NRXN1: variants seen among roughly 807,000 people sequenced by gnomAD.
NRXN1 encodes the protein neurexin-1.
Under a neutral mutation model 150.9 loss-of-function variants are expected in NRXN1, and 39 were observed. The ratio of observed to expected loss-of-function variants is 0.26; its 90% CI spans 0.20 to 0.34. The LOEUF (loss-of-function observed/expected upper bound fraction) is 0.34. Among genes scored for constraint, NRXN1 ranks in the 10% least tolerant of loss-of-function variants. The pLI is 1.00. For missense variants in NRXN1, 1,815 were observed against 1,949.9 expected, an observed-to-expected ratio of 0.93 and a Z score of 1.30; for synonymous variants, 924 against 757.0, an observed-to-expected ratio of 1.22 and a Z score of -3.62.
chr2:49,991,698 A>T (rs1395142968), intron 21 of NRXN1, among the ~76,000 whole-genome samples: 1 of 152,208 alleles, frequency 6.6e-6, no homozygotes, highest in Non-Finnish European at 1.5e-5. Flanking sequence ...TGCAATCCCA[A>T]TCAAAATCCT....
At chr2:50,196,174 C>T (rs1377673465) in intron 18 of NRXN1, among the ~76,000 whole-genome samples, 1 of 152,028 alleles carries the variant, frequency 6.6e-6, no homozygotes, top group African/African-American at 2.4e-5. Context: ...TCCCTATGTC[C>T]ATCTGCTGTC....
chr2:50,245,997 T>A (rs2066464469), intron 17 of NRXN1, among the ~76,000 whole-genome samples: 1 of 151,828 alleles, frequency 6.6e-6, no homozygotes, highest in African/African-American at 2.4e-5. Context: ...AATTCACAAA[T>A]CAAGGTCTCA....
chr2:50,840,414 G>A (rs1469075072), intron 5 of NRXN1, among the ~76,000 whole-genome samples: 1 of 152,018 alleles, frequency 6.6e-6, no homozygotes. Context: ...GTTTTATTTA[G>A]TATCCCCCTT....
At chr2:50,020,730 A>G (rs1687438597) in intron 21 of NRXN1, among the ~76,000 whole-genome samples, 1 of 152,236 alleles carries the variant, frequency 6.6e-6, no homozygotes, top group African/African-American at 2.4e-5. Context: ...TTAAAAATCA[A>G]TAAATTTTAA....
intron 12 of NRXN1, among the ~76,000 whole-genome samples, chr2:50,516,222 A>G (rs1361444167): frequency 6.6e-6 from 1 of 152,176 alleles, no homozygotes; most frequent in Non-Finnish European, 1.5e-5. Context: ...GTCCATTGCA[A>G]ATAAAAATGT....
intron 17 of NRXN1, among the ~76,000 whole-genome samples, chr2:50,310,164 C>T (rs2075056471): frequency 6.6e-6 from 1 of 152,140 alleles, no homozygotes; most frequent in South Asian, 2.1e-4. Context: ...TATACCAAGG[C>T]AACATTTCAG....
At chr2:50,358,753 A>G (rs2078992340) in intron 17 of NRXN1, among the ~76,000 whole-genome samples, 1 of 152,168 alleles carries the variant, frequency 6.6e-6, no homozygotes, top group Non-Finnish European at 1.5e-5. Flanking sequence ...CTGCCTTCTC[A>G]AGTGGGTCCC....
Position 50,300,852 on chromosome 2 carries a change from C to T in NRXN1, c.3365-63882G>A, listed in dbSNP as rs1462922453. ...CCGGGATTACAGGCGCCTGGCACCA[C>T]GCCTGGCTAATTTTTGTCTTTGTAT... On this transcript the variant is annotated intron_variant, in intron 17 of 22. Transcript: ENST00000401669. Among the ~76,000 whole-genome samples, 6 of 152,100 alleles carry T rather than the reference C, an allele frequency of 3.9e-5. No individual in the cohort carries two copies. In the East Asian group the frequency reaches 7.7e-4, roughly 20 times the overall value.
At chr2:50,566,807 G>A (rs1385100352) in intron 8 of NRXN1, among the ~76,000 whole-genome samples, 1 of 152,080 alleles carries the variant, frequency 6.6e-6, no homozygotes. Flanking sequence ...TCTAGTGCAT[G>A]CTCCCCACCC....
intron 5 of NRXN1, among the ~76,000 whole-genome samples, chr2:50,859,810 C>G (rs1348398661): frequency 6.9e-6 from 1 of 144,596 alleles, no homozygotes; most frequent in African/African-American, 2.5e-5. Context: ...TATACACACA[C>G]ACATTATATA....
chr2:50,511,978 G>T (rs973160867), intron 12 of NRXN1, among the ~76,000 whole-genome samples: 2 of 151,966 alleles, frequency 1.3e-5, no homozygotes, highest in Non-Finnish European at 2.9e-5. Flanking sequence ...ATTGGATTTT[G>T]TCCCCAGTCT....
intron 17 of NRXN1, among the ~76,000 whole-genome samples, chr2:50,380,291 T>C (rs2080857641): frequency 2.6e-5 from 4 of 151,764 alleles, no homozygotes; most frequent in South Asian, 2.1e-4. Context: ...TGTGTGTGTG[T>C]GTGTGCGTGT....
At chr2:50,760,017 C>A (rs951190189) in intron 5 of NRXN1, among the ~76,000 whole-genome samples, 2 of 151,976 alleles carry the variant, frequency 1.3e-5, no homozygotes, top group African/African-American at 4.8e-5. Context: ...CTGGCACAAG[C>A]AGATCATAGA....
intron 18 of NRXN1, among the ~76,000 whole-genome samples, chr2:50,110,914 A>C (rs72878124): frequency 0.26 from 38,949 of 152,162 alleles, 5,253 homozygotes; most frequent in Middle Eastern, 0.34. Flanking sequence ...AAAAAAATCA[A>C]ATAATGTCAA....
intron 12 of NRXN1, among the ~76,000 whole-genome samples, chr2:50,508,924 T>C (rs1280660200): frequency 3.3e-5 from 5 of 152,158 alleles, no homozygotes; most frequent in Non-Finnish European, 7.4e-5. Flanking sequence ...CCATGCAACA[T>C]GAAGTGTAAT....
At position 50,303,110 on chromosome 2, in the gene NRXN1, C is replaced by T. The variant is rs1264742464; in HGVS notation, c.3365-66140G>A. 3.3e-5 allele frequency among the ~76,000 whole-genome samples: 5 copies of T among 152,292 alleles called. No homozygotes were observed. In the South Asian group the frequency reaches 8.3e-4, roughly 25 times the overall value. ...TGGAAATGTGTTGCTGTAAACTCAT[C>T]TTCTCATCTGGATCTCATTGGAGTA... On this transcript the variant is annotated intron_variant, in intron 17 of 22. Coordinates refer to ENST00000401669, the MANE Select transcript of NRXN1 (RefSeq NM_001330078.2).
intron 8 of NRXN1, among the ~76,000 whole-genome samples, chr2:50,571,161 G>A (rs1670606759): frequency 6.6e-6 from 1 of 152,180 alleles, no homozygotes; most frequent in Admixed American, 6.6e-5. Context: ...TTGATACCAG[G>A]AAGGAGATAG....
intron 5 of NRXN1, among the ~76,000 whole-genome samples, chr2:50,685,896 T>C (rs1189071648): frequency 1.3e-5 from 2 of 152,086 alleles, no homozygotes; most frequent in Non-Finnish European, 2.9e-5. Flanking sequence ...ATACTTGTTG[T>C]AGTTTACTTT....
At chr2:51,018,641 G>A (rs894372296) in intron 2 of NRXN1, among the ~76,000 whole-genome samples, 1 of 151,978 alleles carries the variant, frequency 6.6e-6, no homozygotes, top group Non-Finnish European at 1.5e-5. Flanking sequence ...TAGATTTTCA[G>A]CAGAACCATA....
Sources: gnomAD v4.1 joint callset for allele counts (sites outside exome capture counted in the v4.1 genomes callset) on GRCh38, gnomAD v4.1.1 for gene constraint, MANE v1.5 for transcripts, NCBI Gene and HGNC (gene_info 2026-07-23, HGNC 2026-07-21) for gene names.